The following NPHS1 variants were observed in gnomAD, a reference collection of about 807,000 sequenced individuals.
NPHS1 encodes the protein nephrin.
NPHS1 carries 107 observed loss-of-function variants against 139.7 expected under a neutral mutation model. The observed-to-expected ratio is 0.77, with a 90% CI of 0.66 to 0.90. The LOEUF is 0.90. Among genes scored for constraint, NPHS1 ranks in the 40% least tolerant of loss-of-function variants. NPHS1 has a pLI of 0.00. For missense variants in NPHS1, 1,580 were observed against 1,654.2 expected, an observed-to-expected ratio of 0.96 and a Z score of 0.78; for synonymous variants, 707 against 706.6, an observed-to-expected ratio of 1.00 and a Z score of -0.01.
intron 11 of NPHS1, 193 bp downstream of exon 11, chr19:35,847,848 A>G: frequency 1.7e-6 from 1 of 576,244 alleles, no homozygotes; most frequent in East Asian, 2.9e-5. Flanking sequence ...GTTTCCCCAG[A>G]ATTTTCCTAG....
intron 23 of NPHS1, among the ~76,000 whole-genome samples, chr19:35,832,414 C>T (rs1274212673): frequency 6.6e-6 from 1 of 151,956 alleles, no homozygotes; most frequent in Non-Finnish European, 1.5e-5. Context: ...CATGGTGGTG[C>T]ATGTCTATAG....
intron 23 of NPHS1, 131 bp from the exon 24 acceptor site, chr19:35,831,893 C>T: frequency 1.1e-6 from 1 of 948,548 alleles, no homozygotes; most frequent in Non-Finnish European, 1.6e-6. Context: ...GCAGAGGTCT[C>T]TGTGCCCACC....
rs537594295 is a variant in NPHS1 at position 35,848,220 on chromosome 19, T to C, written c.1315+33A>G. On this transcript the variant is annotated intron_variant, in intron 10 of 28. Transcript: ENST00000378910. ...TTTCTCTGTGCTGGGTCCTGAGGCT[T>C]GGGGGCATTGCTGGGCCAGGGCAGG... 1.9e-5 allele frequency: 30 copies of C among 1,614,060 alleles called. No homozygotes were observed. In the South Asian group the frequency reaches 3.2e-4, roughly 17 times the overall value.
intron 20 of NPHS1, among the ~76,000 whole-genome samples, chr19:35,840,609 C>T (rs987182453): frequency 2.6e-5 from 4 of 152,026 alleles, no homozygotes; most frequent in African/African-American, 9.7e-5. Flanking sequence ...GCTGGGATTA[C>T]AGGTGTGAGC....
intron 6 of NPHS1, 47 bp downstream of exon 6, chr19:35,849,503 C>T: frequency 1.3e-6 from 2 of 1,595,316 alleles, no homozygotes; most frequent in Non-Finnish European, 1.7e-6. Context: ...CCCCCCAGTG[C>T]CTGCTCCCCA....
intron 22 of NPHS1, among the ~76,000 whole-genome samples, chr19:35,836,207 C>T (rs1972958393): frequency 6.8e-6 from 1 of 146,962 alleles, no homozygotes; most frequent in African/African-American, 2.5e-5. Context: ...GATTCGCCCA[C>T]CTCGGCCTTC....
chr19:35,851,203 CG>C, intron 3 of NPHS1, 58 bp downstream of exon 3: 1 of 1,613,224 alleles, frequency 6.2e-7, no homozygotes. Flanking sequence ...TTCCGGGTTG[CG>C]GGGTAGGGGA....
At chr19:35,830,596 G>A (rs1972863304) in intron 28 of NPHS1, among the ~76,000 whole-genome samples, 1 of 152,168 alleles carries the variant, frequency 6.6e-6, no homozygotes, top group African/African-American at 2.4e-5. Flanking sequence ...ATGTTTTGTA[G>A]AGACAAGTCA....
chr19:35,833,931 G>C (rs1003949068), intron 23 of NPHS1, among the ~76,000 whole-genome samples: 3 of 151,982 alleles, frequency 2.0e-5, no homozygotes, highest in Admixed American at 1.3e-4. Context: ...CCAACGTCTG[G>C]GCTCAAGTGA....
chr19:35,828,916 C>T (rs957523230), intron 28 of NPHS1, among the ~76,000 whole-genome samples: 4 of 152,188 alleles, frequency 2.6e-5, no homozygotes, highest in African/African-American at 9.6e-5. Context: ...ACAACAGTCC[C>T]GGTATCGGAG....
chr19:35,836,566 A>T (rs891889006), intron 22 of NPHS1, among the ~76,000 whole-genome samples: 4 of 152,144 alleles, frequency 2.6e-5, no homozygotes, highest in African/African-American at 7.2e-5. Flanking sequence ...GGCAAGTGTC[A>T]TACTTTATGT....
chr19:35,851,256 C>T lies in NPHS1; in HGVS notation c.397+6G>A. The T allele has an allele frequency of 6.2e-7, 1 of 1,613,974 alleles. No homozygotes were observed. Among genetic ancestry groups the T allele is most frequent in the African/African-American group, 1.3e-5 (1 of 75,030 alleles). ...CTCATGGGTCCTGGGCGTCTCTCAC[C>T]CATACCCAGGATGGAGAGGATCACT... is the stretch of plus-strand genomic sequence containing the variant. On this transcript the variant is annotated splice_donor_region_variant and intron_variant, in intron 3 of 28. Transcript: ENST00000378910.
chr19:35,847,579 C>T (rs1352915822), intron 11 of NPHS1, among the ~76,000 whole-genome samples: 1 of 150,260 alleles, frequency 6.7e-6, no homozygotes, highest in Non-Finnish European at 1.5e-5. Flanking sequence ...TGGTCTCTAA[C>T]TCCCGACTTC....
intron 20 of NPHS1, among the ~76,000 whole-genome samples, chr19:35,839,819 T>C (rs961561261): frequency 2.0e-5 from 3 of 149,680 alleles, no homozygotes; most frequent in African/African-American, 7.6e-5. Flanking sequence ...GTCTGAAAGA[T>C]GCTTGAGCCC....
chr19:35,828,256 T>TTTTTTC (rs1184925077), intron 28 of NPHS1, among the ~76,000 whole-genome samples: 1 of 152,182 alleles, frequency 6.6e-6, no homozygotes, highest in East Asian at 1.9e-4. Context: ...TGGTTTTTAT[T>TTTTTTC]TTTTTCTTTT....
chr19:35,849,144 C>A lies in NPHS1; in HGVS notation c.844G>T (p.Gly282Cys). ...CCCCACGCTGTGGACACCGGCTGGCCATTCTGGAGACAGGGACAGGCCTGG... is the reference window on the plus strand; with the variant it reads ...CCCCACGCTGTGGACACCGGCTGGCAATTCTGGAGACAGGGACAGGCCTGG... ...PLATLQWLKN[G>C]QPVSTAWGTE... The change falls in exon 8 of 29, where the codon GGC (glycine) becomes TGC (cysteine). Residue 282 changes from glycine to cysteine, a missense_variant. By Grantham distance (159) the Gly-to-Cys change is radical (BLOSUM62 -3). Coordinates refer to ENST00000378910, the MANE Select transcript of NPHS1 (RefSeq NM_004646.4). 1.2e-6 allele frequency: 2 copies of A among 1,610,760 alleles called. No individual in the cohort carries two copies. Among genetic ancestry groups the A allele is most frequent in the Non-Finnish European group, 1.7e-6 (2 of 1,180,016 alleles).
chr19:35,837,068 AAGAAAAAT>A (rs200977851), intron 22 of NPHS1, among the ~76,000 whole-genome samples: 3,559 of 140,504 alleles, frequency 0.025, 50 homozygotes, highest in Non-Finnish European at 0.037. Context: ...GAAAGAAAGA[AAGAAAAAT>A]AAACTGAGCC....
chr19:35,837,646 A>G (rs569804429), intron 22 of NPHS1, among the ~76,000 whole-genome samples: 22 of 150,864 alleles, frequency 1.5e-4, no homozygotes, highest in African/African-American at 5.1e-4. Context: ...CTTGTTGCCC[A>G]GGCTGGAGTA....
chr19:35,848,846 C>G lies in NPHS1; in HGVS notation c.1013-52G>C, dbSNP rs1289486002. On this transcript the variant is annotated intron_variant, in intron 8 of 28. Coordinates refer to ENST00000378910, the MANE Select transcript of NPHS1 (RefSeq NM_004646.4). The stretch of plus-strand genomic sequence containing the variant: ...AAGCTGGGCTGGATTTCTCACAGAC[C>G]AGCCCAGACAGAACAGGACTGGAGA... 4.3e-6 allele frequency: 7 copies of G among 1,613,444 alleles called. No homozygotes were observed. The Admixed American group carries it at 1.0e-4, about 23-fold the overall frequency.
Sources: gnomAD v4.1 joint callset for allele counts (sites outside exome capture counted in the v4.1 genomes callset) on GRCh38, gnomAD v4.1.1 for gene constraint, MANE v1.5 for transcripts, NCBI Gene and HGNC (gene_info 2026-07-23, HGNC 2026-07-21) for gene names.